Variants in NXN observed in about 807,000 individuals in gnomAD.
The protein encoded by NXN is nucleoredoxin 1.
In NXN, 16 loss-of-function variants were observed where a neutral mutation model predicts 48.6. The observed-to-expected ratio is 0.33, with a 90% CI of 0.22 to 0.50. The LOEUF (loss-of-function observed/expected upper bound fraction) is 0.50. NXN is among the 20% of genes least tolerant of loss of function. The pLI is 0.98. For missense variants in NXN, 492 were observed against 605.5 expected, an observed-to-expected ratio of 0.81 and a Z score of 1.97; for synonymous variants, 281 against 269.6, an observed-to-expected ratio of 1.04 and a Z score of -0.41.
rs761803835 is a variant in NXN at position 849,834 on chromosome 17, G to A, written c.361-23756C>T. Among the ~76,000 whole-genome samples, 2 of 152,152 alleles carry A rather than the reference G, an allele frequency of 1.3e-5. No homozygotes were observed. The highest frequency in any genetic ancestry group is 2.4e-5 in the African/African-American group (1 of 41,432). ...GACAGCAGAGAGAAATGGAGCTGAC[G>A]GAGAGGAGGACAGATAAGGAGGGGC... On this transcript the variant is annotated intron_variant, in intron 1 of 7. Transcript: ENST00000336868. The surrounding 1 kb of genome is among the most constrained non-coding windows in gnomAD (Gnocchi z 4.2).
At chr17:949,688 C>A (rs573112369) in intron 1 of NXN, among the ~76,000 whole-genome samples, 1 of 120,036 alleles carries the variant, frequency 8.3e-6, no homozygotes, top group Non-Finnish European at 1.8e-5. Context: ...TGGCCTCCTC[C>A]TCTCCCCCCT....
chr17:856,755 C>G (rs1412481663), intron 1 of NXN, among the ~76,000 whole-genome samples: 1 of 152,106 alleles, frequency 6.6e-6, no homozygotes, highest in Non-Finnish European at 1.5e-5. Flanking sequence ...GCCGGGATTA[C>G]AGGAGTGAGC....
At chr17:879,204 A>C (rs2068255234) in intron 1 of NXN, among the ~76,000 whole-genome samples, 1 of 152,034 alleles carries the variant, frequency 6.6e-6, no homozygotes, top group Non-Finnish European at 1.5e-5. Context: ...AAGGAGAAGG[A>C]GAGAACAAAG....
intron 1 of NXN, among the ~76,000 whole-genome samples, chr17:911,607 C>T (rs999497157): frequency 3.3e-5 from 5 of 150,622 alleles, no homozygotes; most frequent in African/African-American, 1.2e-4. Flanking sequence ...GGGATTACAG[C>T]CGCCCACCAC....
At chr17:952,822 G>A (rs1388896769) in intron 1 of NXN, among the ~76,000 whole-genome samples, 11 of 146,116 alleles carry the variant, frequency 7.5e-5, no homozygotes, top group African/African-American at 2.6e-4. Context: ...CTGTGGGGGG[G>A]CTGGAGTCAG....
intron 1 of NXN, among the ~76,000 whole-genome samples, chr17:955,716 G>A (rs773279866): frequency 8.6e-5 from 13 of 151,340 alleles, no homozygotes; most frequent in Admixed American, 2.6e-4. Flanking sequence ...CTAACACGGT[G>A]AAACCCTGTC....
At chr17:946,268 A>T (rs140477836) in intron 1 of NXN, among the ~76,000 whole-genome samples, 2,951 of 149,746 alleles carry the variant, frequency 0.02, 74 homozygotes, top group African/African-American at 0.067. Flanking sequence ...TCCCGGGTTC[A>T]AGCGATTCTC....
chr17:979,713 C>G lies in NXN; in HGVS notation c.-35G>C. On this transcript the variant is annotated 5_prime_UTR_variant, in exon 1 of 8. Transcript: ENST00000336868. ...CCGCAGGGCGGGCAGGCGGCTGCGA[C>G]CCCGCTCCACGGTCCGCGCGGCGGG... is the stretch of plus-strand genomic sequence containing the variant. The G allele has an allele frequency of 7.5e-7, 1 of 1,327,324 alleles. No homozygotes were observed. The highest frequency in any genetic ancestry group is 9.6e-7 in the Non-Finnish European group (1 of 1,039,178). 82.2% of individuals were successfully genotyped at this position (1,327,324 alleles called of 1,614,324 possible). A position where few individuals can be genotyped will look rare whatever the true frequency, so the allele number is the denominator to read the frequency against.
At chr17:971,005 GGT>G (rs971775140) in intron 1 of NXN, among the ~76,000 whole-genome samples, 1 of 148,510 alleles carries the variant, frequency 6.7e-6, no homozygotes, top group Non-Finnish European at 1.5e-5. Flanking sequence ...GGAGTACAGT[GGT>G]GCGATCTCGG....
chr17:839,535 G>A (rs191889873), intron 1 of NXN, among the ~76,000 whole-genome samples: 3 of 151,904 alleles, frequency 2.0e-5, no homozygotes, highest in Non-Finnish European at 4.4e-5. Flanking sequence ...TGCCAGGTAT[G>A]CACGGCAGCT....
intron 1 of NXN, among the ~76,000 whole-genome samples, chr17:916,006 CA>C (rs1350832611): frequency 6.6e-6 from 1 of 152,192 alleles, no homozygotes; most frequent in Non-Finnish European, 1.5e-5. Context: ...AGGCACTTCT[CA>C]AAAGGCAAAG....
chr17:865,945 T>C (rs899918656), intron 1 of NXN, among the ~76,000 whole-genome samples: 42 of 151,954 alleles, frequency 2.8e-4, no homozygotes, highest in African/African-American at 1.0e-3. Flanking sequence ...ATCGCGGCAT[T>C]GCACTCCAGC....
At chr17:829,648 T>C (rs1913344697) in intron 1 of NXN, among the ~76,000 whole-genome samples, 1 of 152,072 alleles carries the variant, frequency 6.6e-6, no homozygotes, top group South Asian at 2.1e-4. Context: ...CAGGCCCCAG[T>C]GTGTGATGTT....
chr17:924,484 A>G (rs755745712), intron 1 of NXN, among the ~76,000 whole-genome samples: 7 of 152,190 alleles, frequency 4.6e-5, no homozygotes, highest in Admixed American at 1.3e-4. Flanking sequence ...TGATCCGCCC[A>G]CCTCGGCCTC....
intron 1 of NXN, among the ~76,000 whole-genome samples, chr17:855,588 C>G (rs1395315648): frequency 6.6e-6 from 1 of 152,162 alleles, no homozygotes; most frequent in Non-Finnish European, 1.5e-5. Context: ...AAAATACACC[C>G]CAGAAGGAAG....
chr17:847,997 A>AT lies in NXN; in HGVS notation c.361-21920dup, dbSNP rs541832265. Among the ~76,000 whole-genome samples, 793 of 152,276 alleles carry AT rather than the reference A, an allele frequency of 5.2e-3. 3 individuals are homozygous for AT. The highest frequency in any genetic ancestry group is 7.4e-3 in the Non-Finnish European group (503 of 68,020). On this transcript the variant is annotated intron_variant, in intron 1 of 7. Coordinates refer to ENST00000336868, the MANE Select transcript of NXN (RefSeq NM_022463.5). Reference sequence around the variant, plus strand: ...CAATTCTCGTCTCTCTTTCTGCTACATAAAGTTGTTACAAAACGGGGCGAG... The same window carrying AT: ...CAATTCTCGTCTCTCTTTCTGCTACATTAAAGTTGTTACAAAACGGGGCGAG...
At chr17:883,565 T>G (rs968644102) in intron 1 of NXN, among the ~76,000 whole-genome samples, 1 of 152,222 alleles carries the variant, frequency 6.6e-6, no homozygotes, top group Non-Finnish European at 1.5e-5. Context: ...GAGAGATGAC[T>G]CTGGAGGGGA....
At chr17:842,213 C>A (rs1031546828) in intron 1 of NXN, among the ~76,000 whole-genome samples, 5 of 152,222 alleles carry the variant, frequency 3.3e-5, no homozygotes, top group Non-Finnish European at 7.3e-5. Flanking sequence ...CCCGCCACTT[C>A]ATCAAGGAAA....
chr17:944,931 C>G (rs192643396), intron 1 of NXN, among the ~76,000 whole-genome samples: 1 of 151,938 alleles, frequency 6.6e-6, no homozygotes, highest in African/African-American at 2.4e-5. Context: ...TGAAACACAC[C>G]GAGAAGAGAA....
Sources: allele counts gnomAD v4.1 joint callset (sites outside exome capture counted in the v4.1 genomes callset), GRCh38; gene constraint gnomAD v4.1.1; non-coding constraint Gnocchi (gnomAD v3.1); transcripts MANE v1.5; gene names NCBI Gene and HGNC (gene_info 2026-07-23, HGNC 2026-07-21).